ABHD12B: variants seen among roughly 807,000 people sequenced by gnomAD.
ABHD12B encodes abhydrolase domain containing 12B, also known as protein ABHD12B.
A neutral mutation model predicts 50.4 loss-of-function variants in ABHD12B; 42 were observed. The observed-to-expected ratio is 0.83, with a 90% CI of 0.65 to 1.08. ABHD12B has a LOEUF of 1.08. Among genes scored for constraint, ABHD12B ranks in the 50% least tolerant of loss-of-function variants. The pLI is 0.00. For missense variants in ABHD12B, 479 were observed against 447.7 expected (o/e 1.07, Z -0.63); for synonymous variants, 167 against 160.3 (o/e 1.04, Z -0.32).
chr14:50,901,875 T>C lies in ABHD12B; in HGVS notation c.827T>C (p.Leu276Pro), dbSNP rs1362468983. Residue 276 changes from leucine (L) to proline (P), a missense_variant, in exon 10 of 13, where the codon CTG (leucine) becomes CCG (proline). Leu to Pro is a moderately conservative substitution (Grantham distance 98). Coordinates refer to ENST00000337334, the MANE Select transcript of ABHD12B (RefSeq NM_001206673.2). Reference sequence around the variant, plus strand: ...TTTTTACGTACACTTATGGATGCCCTGAGAAAAGACAAAATAATCTTTCCT... The same window carrying C: ...TTTTTACGTACACTTATGGATGCCCCGAGAAAAGACAAAATAATCTTTCCT... ...PGFLRTLMDA[L>P]RKDKIIFPND... is the part of the protein sequence containing the mutation. 6 of 1,597,084 alleles carry C rather than the reference T, an allele frequency of 3.8e-6. No homozygotes were observed. Among genetic ancestry groups the C allele is most frequent in the Non-Finnish European group, 5.1e-6 (6 of 1,175,326 alleles).
intron 4 of ABHD12B, among the ~76,000 whole-genome samples, chr14:50,880,975 A>T (rs913535147): frequency 1.6e-4 from 24 of 152,188 alleles, no homozygotes; most frequent in South Asian, 4.1e-4. Flanking sequence ...AGAGTCCTTT[A>T]TTTAGCTTTA....
intron 4 of ABHD12B, among the ~76,000 whole-genome samples, chr14:50,881,338 C>T (rs899837362): frequency 2.0e-5 from 3 of 152,174 alleles, no homozygotes; most frequent in South Asian, 2.1e-4. Flanking sequence ...GCAGGTGACT[C>T]GCCTTTCTCA....
intron 4 of ABHD12B, 58 bp from the exon 5 acceptor site, chr14:50,881,538 T>G: frequency 5.1e-6 from 8 of 1,574,556 alleles, no homozygotes; most frequent in Non-Finnish European, 6.9e-6. Context: ...TTTATTGAAT[T>G]TGTTATCATC....
intron 7 of ABHD12B, among the ~76,000 whole-genome samples, chr14:50,886,331 C>G (rs987038808): frequency 6.6e-6 from 1 of 150,834 alleles, no homozygotes; most frequent in Non-Finnish European, 1.5e-5. Context: ...CCCAGCTACT[C>G]AGGAAGCTGA....
chr14:50,872,110 T>C lies in ABHD12B; in HGVS notation c.-65T>C. 8.7e-7 allele frequency: 1 copy of C among 1,155,612 alleles called. No individual in the cohort carries two copies. The highest frequency in any genetic ancestry group is 1.1e-6 in the Non-Finnish European group (1 of 926,100). The allele number at this position is 1,155,612 out of a possible 1,614,324, so 71.6% of individuals were successfully genotyped here. On this transcript the variant is annotated 5_prime_UTR_variant, in exon 1 of 13. Transcript: ENST00000337334. ...GCGCGGTGCCGCCGGGGCGGGAAGG[T>C]CGCGGGCGGCTGCTCCGGACTGCAG...
chr14:50,879,274 G>A lies in ABHD12B; in HGVS notation c.335+427G>A, dbSNP rs1017073956. On this transcript the variant is annotated intron_variant, in intron 3 of 12. Coordinates refer to ENST00000337334, the MANE Select transcript of ABHD12B (RefSeq NM_001206673.2). ...TCAGAAAAGCCTTTCCTCACTGCCC[G>A]TTTTAGGTATGTGCTGTCATGGCCA... Among the ~76,000 whole-genome samples, 19 of 152,096 alleles carry A rather than the reference G, an allele frequency of 1.2e-4. No individual in the cohort carries two copies. The South Asian group carries it at 1.7e-3, about 13-fold the overall frequency.
intron 5 of ABHD12B, among the ~76,000 whole-genome samples, chr14:50,883,204 G>A (rs142897366): frequency 1.6e-4 from 25 of 152,296 alleles, no homozygotes; most frequent in African/African-American, 5.8e-4. Flanking sequence ...CCTCTGGTTA[G>A]GTAATCTCCG....
At position 50,872,412 on chromosome 14, in the gene ABHD12B, T is replaced by C. The variant is rs1424026285; in HGVS notation, c.104+134T>C. 7 of 583,240 alleles carry C rather than the reference T, an allele frequency of 1.2e-5. No individual in the cohort carries two copies. The East Asian group carries it at 2.6e-4, about 22-fold the overall frequency. 36.1% of individuals were successfully genotyped at this position (583,240 alleles called of 1,614,324 possible). A position where few individuals can be genotyped will look rare whatever the true frequency, so the allele number is the denominator to read the frequency against. On this transcript the variant is annotated intron_variant, in intron 1 of 12. Coordinates refer to ENST00000337334, the MANE Select transcript of ABHD12B (RefSeq NM_001206673.2). Reference sequence around the variant, plus strand: ...GGGCCCAAGGCCCAGCATTGTGGCTTCCGGGGGACCTCGGCGGCCCCCTGA... The same window carrying C: ...GGGCCCAAGGCCCAGCATTGTGGCTCCCGGGGGACCTCGGCGGCCCCCTGA...
At chr14:50,878,276 G>A (rs920942927) in intron 2 of ABHD12B, among the ~76,000 whole-genome samples, 197 bp downstream of exon 2, 1 of 152,334 alleles carries the variant, frequency 6.6e-6, no homozygotes, top group East Asian at 1.9e-4. Context: ...AAAGAGAGAT[G>A]CATGGCCTTG....
At chr14:50,904,052 A>C in intron 11 of ABHD12B, 22 bp from the exon 12 acceptor site, 1 of 1,585,608 alleles carries the variant, frequency 6.3e-7, no homozygotes, top group Non-Finnish European at 8.6e-7. Flanking sequence ...CCATCCTTTG[A>C]GTCTCTTTCT....
chr14:50,899,300 C>T (rs906559273), intron 9 of ABHD12B, among the ~76,000 whole-genome samples: 3 of 152,206 alleles, frequency 2.0e-5, no homozygotes, highest in Non-Finnish European at 4.4e-5. Context: ...CACTGGCTTA[C>T]CTATTTTATA....
intron 1 of ABHD12B, among the ~76,000 whole-genome samples, chr14:50,877,722 C>T (rs2049881232): frequency 6.6e-6 from 1 of 152,010 alleles, no homozygotes; most frequent in African/African-American, 2.4e-5. Context: ...CAAAAATTAG[C>T]CAGGCATGGT....
rs184238149 is a variant in ABHD12B at position 50,887,111 on chromosome 14, G to A, written c.700+427G>A. On this transcript the variant is annotated intron_variant, in intron 8 of 12. Transcript: ENST00000337334. ...TGCCTGTAATCCCAGCTACTTGGGA[G>A]GTTGAGGCAGGAGAATTGCTTGAAC... Among the ~76,000 whole-genome samples, 1,083 of 147,874 alleles carry A rather than the reference G, an allele frequency of 7.3e-3. 14 individuals are homozygous for A. The highest frequency in any genetic ancestry group is 0.026 in the African/African-American group (1,048 of 40,340).
chr14:50,895,881 T>C (rs915823318), intron 9 of ABHD12B, among the ~76,000 whole-genome samples: 1 of 152,064 alleles, frequency 6.6e-6, no homozygotes, highest in African/African-American at 2.4e-5. Flanking sequence ...ACTTAGACAA[T>C]ACTCTTTTAA....
Position 50,885,658 on chromosome 14 carries a change from A to G in ABHD12B, c.531A>G (p.Arg177=). Residue 177 remains arginine, a splice_region_variant and synonymous_variant, in exon 6 of 13, where the codon AGA becomes AGG. Coordinates refer to ENST00000337334, the MANE Select transcript of ABHD12B (RefSeq NM_001206673.2). ...TTCATGTCTTGTCTGTTGACTACAG[A>G]GGTATGTGTTAAGAACGGTGTACAA... The part of the protein sequence containing the change: ...GGFHVLSVDY[R]GFGDSTGKPT... The G allele has an allele frequency of 3.7e-6, 6 of 1,614,082 alleles. No individual in the cohort carries two copies. The highest frequency in any genetic ancestry group is 5.1e-6 in the Non-Finnish European group (6 of 1,180,002).
At chr14:50,878,870 G>A (rs758562067) in intron 3 of ABHD12B, 23 bp downstream of exon 3, 36 of 1,597,430 alleles carry the variant, frequency 2.3e-5, no homozygotes, top group Non-Finnish European at 2.9e-5. Flanking sequence ...ATGGGACACC[G>A]GGTTGCTTGA....
intron 1 of ABHD12B, among the ~76,000 whole-genome samples, chr14:50,875,561 C>T (rs1313318834): frequency 6.6e-6 from 1 of 152,180 alleles, no homozygotes. Flanking sequence ...TGAAAGAACA[C>T]CAAAGCACCA....
chr14:50,903,498 A>G (rs1396504952), intron 11 of ABHD12B, 31 bp downstream of exon 11: 1 of 1,555,680 alleles, frequency 6.4e-7, no homozygotes, highest in South Asian at 1.1e-5. Context: ...TGACTGAAAT[A>G]TACTATACTC....
At position 50,894,947 on chromosome 14, in the gene ABHD12B, T is replaced by G. The variant is rs187813127; in HGVS notation, c.780+6044T>G. ...CGCCTCCCCTCCTCACACCTGGTCC[T>G]GCTTACAGTTTCGTTCCGTGACTAG... On this transcript the variant is annotated intron_variant, in intron 9 of 12. Transcript: ENST00000337334. 1.3e-3 allele frequency among the ~76,000 whole-genome samples: 183 copies of G among 139,150 alleles called. 14 individuals are homozygous for G. Among genetic ancestry groups the G allele is most frequent in the African/African-American group, 5.1e-3 (159 of 31,368 alleles). The allele number at this position is 139,150 out of a possible 152,430, so 91.3% of individuals were successfully genotyped here. A position where few individuals can be genotyped will look rare whatever the true frequency, so the allele number is the denominator to read the frequency against.
Sources: allele counts gnomAD v4.1 joint callset (sites outside exome capture counted in the v4.1 genomes callset), GRCh38; gene constraint gnomAD v4.1.1; transcripts MANE v1.5; gene names NCBI Gene and HGNC (gene_info 2026-07-23, HGNC 2026-07-21).